Variants in EPPK1 observed in about 807,000 individuals in gnomAD.
EPPK1 encodes the protein epiplakin 1, also known as epiplakin.
For missense variants in EPPK1, 3,823 were observed against 3,673.3 expected (o/e 1.04, Z -1.05); for synonymous variants, 1,862 against 1,721.2 (o/e 1.08, Z -2.03).
chr8:143,867,210 C>T lies in EPPK1; in HGVS notation c.6044G>A (p.Gly2015Asp), dbSNP rs782364626. ...RLLEVQVATG[G>D]VIDPQHHHRL... ...GTGGTGGTGCTGTGGGTCGATGACA[C>T]CCCCCGTGGCCACCTGCACCTCCAG... The change falls in exon 2 of 2, where the codon GGT (glycine) becomes GAT (aspartate). Residue 2015 changes from glycine to aspartate, a missense_variant. Coordinates refer to ENST00000615648, the MANE Select transcript of EPPK1 (RefSeq NM_031308.4). The T allele has an allele frequency of 6.2e-6, 10 of 1,612,506 alleles. No individual in the cohort carries two copies. The highest frequency in any genetic ancestry group is 8.5e-6 in the Non-Finnish European group (10 of 1,179,734).
rs1320779451 is a variant in EPPK1, at chr8:143,857,917, A to AC, written c.*69_*70insG. The AC allele has an allele frequency of 8.5e-6, 7 of 822,164 alleles. No homozygotes were observed. Among genetic ancestry groups the AC allele is most frequent in the Non-Finnish European group, 3.5e-6 (2 of 579,192 alleles). 50.9% of individuals were successfully genotyped at this position (822,164 alleles called of 1,614,324 possible). A position where few individuals can be genotyped will look rare whatever the true frequency, so the allele number is the denominator to read the frequency against. On this transcript the variant is annotated 3_prime_UTR_variant, in exon 2 of 2. Transcript: ENST00000615648. ...ATGACAAAAAAAAAAAAAAAAAAAA[A>AC]AACAACCCAGACACACAAGTATGCC...
Position 143,868,886 on chromosome 8 carries a change from G to C in EPPK1, c.4368C>G (p.Pro1456=). Reference sequence around the variant, plus strand: ...ACCCCTTAAACCTCCCTGTGCTGACGGGCACCTTCATGGCCCTCAGAGCCA... The same window carrying C: ...ACCCCTTAAACCTCCCTGTGCTGACCGGCACCTTCATGGCCCTCAGAGCCA... The part of the protein sequence containing the change: ...TAVALRAMKV[P]VSTGRFKGCS... The change falls in exon 2 of 2, where the codon CCC becomes CCG. Residue 1456 remains proline (P), a synonymous_variant. Coordinates refer to ENST00000615648, the MANE Select transcript of EPPK1 (RefSeq NM_031308.4). The C allele has an allele frequency of 6.2e-7, 1 of 1,610,874 alleles. No homozygotes were observed. The highest frequency in any genetic ancestry group is 8.5e-7 in the Non-Finnish European group (1 of 1,179,836).
Position 143,857,769 on chromosome 8 carries a change from G to A in EPPK1, c.*218C>T, listed in dbSNP as rs75779384. The A allele has an allele frequency of 2.5e-3, 1,165 of 474,566 alleles. 16 individuals carry two copies. The highest frequency in any genetic ancestry group is 0.022 in the African/African-American group (1,087 of 49,668). The allele number at this position is 474,566 out of a possible 1,614,324, so 29.4% of individuals were successfully genotyped here. On this transcript the variant is annotated 3_prime_UTR_variant, in exon 2 of 2. Coordinates refer to ENST00000615648, the MANE Select transcript of EPPK1 (RefSeq NM_031308.4). ...AAGTAAAACCATATGACACATAGAC[G>A]ACCCAGAAAACACACCAAAAAACTT...
rs1819378128 is a variant in EPPK1, at chr8:143,872,235, T to C, written c.1019A>G (p.Asp340Gly). 6.2e-7 allele frequency: 1 copy of C among 1,609,842 alleles called. No homozygotes were observed. The highest frequency in any genetic ancestry group is 1.1e-5 in the South Asian group (1 of 90,706). ...DPITGQRLWVDEAVRAGLVSP... is the reference protein window; with the variant it reads ...DPITGQRLWVGEAVRAGLVSP... ...GACCAGGCCCGCCCTGACTGCCTCG[T>C]CTACCCACAGCCGCTGGCCTGTGAT... is the stretch of plus-strand genomic sequence containing the variant. The change falls in exon 2 of 2, where the codon GAC (aspartate) becomes GGC (glycine). Residue 340 changes from aspartate to glycine, a missense_variant. By Grantham distance (94) the Asp-to-Gly change is moderately conservative. Transcript: ENST00000615648.
Position 143,869,506 on chromosome 8 carries a change from C to G in EPPK1, c.3748G>C (p.Gly1250Arg), listed in dbSNP as rs373814278. 1 of 1,546,308 alleles carries G rather than the reference C, an allele frequency of 6.5e-7. No individual in the cohort carries two copies. Among genetic ancestry groups the G allele is most frequent in the Admixed American group, 1.9e-5 (1 of 52,186 alleles). The stretch of plus-strand genomic sequence containing the variant: ...GCCCCAGAGGGCTGTAGCAGCACAC[C>G]GGCCACGCAGCCTGTGCCCCACAGG... The part of the protein sequence containing the change: ...ACLWGTGCVA[G>R]VLLQPSGAKA... Residue 1250 changes from glycine (G) to arginine (R), a missense_variant, in exon 2 of 2, where the codon GGT becomes CGT. By Grantham distance (125) the Gly-to-Arg change is moderately radical (BLOSUM62 -2). Transcript: ENST00000615648.
Position 143,868,345 on chromosome 8 carries a change from C to T in EPPK1, c.4909G>A (p.Glu1637Lys), listed in dbSNP as rs1554659893. The change falls in exon 2 of 2, where the codon GAA becomes AAA. Residue 1637 changes from glutamate (E) to lysine (K), a missense_variant. Transcript: ENST00000615648. ...GCCGACAGCAGCTTCACGTAGGTTT[C>T]TTTCCCGAACATTCCTGCTTTGAAC... Reference protein sequence around the residue: ...EAFKAGMFGKETYVKLLSAER... With the variant: ...EAFKAGMFGKKTYVKLLSAER... The T allele has an allele frequency of 6.2e-7, 1 of 1,613,126 alleles. No individual in the cohort carries two copies. The highest frequency in any genetic ancestry group is 2.2e-5 in the East Asian group (1 of 44,882).
At position 143,870,392 on chromosome 8, in the gene EPPK1, C is replaced by G. The variant is rs1346263836; in HGVS notation, c.2862G>C (p.Leu954=). The change falls in exon 2 of 2, where the codon CTG becomes CTC. Residue 954 remains leucine, a synonymous_variant. Transcript: ENST00000615648. This position sits in a 1 kb window ranked among gnomAD's most constrained non-coding sequence, Gnocchi z 5.2. The stretch of plus-strand genomic sequence containing the variant: ...GGGCCAGGGCCACCCTGGGCCCCAG[C>G]AGCTTCTGCCTCATGGCCTGGTAGA... ...LSLYQAMRQK[L]LGPRVALALL... 4 of 1,575,526 alleles carry G rather than the reference C, an allele frequency of 2.5e-6. No homozygotes were observed. The highest frequency in any genetic ancestry group is 3.4e-6 in the Non-Finnish European group (4 of 1,166,636).
rs782693038 is a variant in EPPK1 at position 143,858,048 on chromosome 8, A to G, written c.15206T>C (p.Leu5069Pro). 3.7e-6 allele frequency: 6 copies of G among 1,613,320 alleles called. No homozygotes were observed. The East Asian group carries it at 1.1e-4, about 30-fold the overall frequency. ...CTCAGGGTCCAGGGTGGCCCTCTGC[A>G]GAAGCTGCAGGTACGTGAGGTTCTC... ...THENLTYLQLLQRATLDPETG... is the reference protein window; with the variant it reads ...THENLTYLQLPQRATLDPETG... Residue 5069 changes from leucine to proline, a missense_variant, in exon 2 of 2, where the codon CTG (leucine) becomes CCG (proline). By Grantham distance (98) the Leu-to-Pro change is moderately conservative (BLOSUM62 -3). Coordinates refer to ENST00000615648, the MANE Select transcript of EPPK1 (RefSeq NM_031308.4).
Position 143,872,260 on chromosome 8 carries a change from T to A in EPPK1, c.994A>T (p.Ile332Phe), listed in dbSNP as rs782224063. Residue 332 changes from isoleucine (I) to phenylalanine (F), a missense_variant, in exon 2 of 2, where the codon ATC (isoleucine) becomes TTC (phenylalanine). Coordinates refer to ENST00000615648, the MANE Select transcript of EPPK1 (RefSeq NM_031308.4). Reference sequence around the variant, plus strand: ...TCTACCCACAGCCGCTGGCCTGTGATGGGGTCCACCAGGGTGTGGGTGGCA... The same window carrying A: ...TCTACCCACAGCCGCTGGCCTGTGAAGGGGTCCACCAGGGTGTGGGTGGCA... ...QAATHTLVDP[I>F]TGQRLWVDEA... is the part of the protein sequence containing the mutation. 1.2e-5 allele frequency: 20 copies of A among 1,609,244 alleles called. No individual in the cohort carries two copies.
Position 143,873,890 on chromosome 8 carries a change from T to G in EPPK1, c.-45-592A>C, listed in dbSNP as rs932508573. Among the ~76,000 whole-genome samples the G allele has an allele frequency of 1.0e-4, 15 of 150,038 alleles. No individual in the cohort carries two copies. In the South Asian group the frequency reaches 1.5e-3, roughly 15 times the overall value. ...CCTGCTGGCTCCTGAGGTCCCGCCCTCCCTCCACAGCCATCCACCAGGCTC... is the reference window on the plus strand; with the variant it reads ...CCTGCTGGCTCCTGAGGTCCCGCCCGCCCTCCACAGCCATCCACCAGGCTC... On this transcript the variant is annotated intron_variant, in intron 1 of 1. Transcript: ENST00000615648.
In EPPK1 at chr8:143,868,384, T is replaced by C; in HGVS notation, c.4870A>G (p.Thr1624Ala). The change falls in exon 2 of 2, where the codon ACC becomes GCC. Residue 1624 changes from threonine to alanine, a missense_variant. Physicochemically the swap from Thr to Ala is moderately conservative, Grantham distance 58 (BLOSUM62 0). Transcript: ENST00000615648. ...CCTGCTTTGAACGCCTCCTCCACGG[T>C]CAGCTTCCGGTTCTCCACGGGGTCG... ...IIDPVENRKL[T>A]VEEAFKAGMF... The C allele has an allele frequency of 6.2e-7, 1 of 1,612,488 alleles. No individual in the cohort carries two copies. Among genetic ancestry groups the C allele is most frequent in the Non-Finnish European group, 8.5e-7 (1 of 1,179,824 alleles).
chr8:143,869,926 G>A lies in EPPK1; in HGVS notation c.3328C>T (p.Leu1110Phe), dbSNP rs782068808. The change falls in exon 2 of 2, where the codon CTT (leucine) becomes TTT (phenylalanine). Residue 1110 changes from leucine (L) to phenylalanine (F), a missense_variant. Physicochemically the swap from Leu to Phe is conservative, Grantham distance 22. Transcript: ENST00000615648. ...CTTTCTGGCAGGGGCAGGAGGTGAA[G>A]GCCAGAAGTCTCATCCCTGGGGCAC... Reference protein sequence around the residue: ...EECPRDETSGLHLLPLPESAP... With the variant: ...EECPRDETSGFHLLPLPESAP... The A allele has an allele frequency of 2.5e-6, 4 of 1,609,206 alleles. No homozygotes were observed. The highest frequency in any genetic ancestry group is 2.7e-5 in the African/African-American group (2 of 75,016).
chr8:143,869,875 G>C lies in EPPK1; in HGVS notation c.3379C>G (p.Gln1127Glu). The C allele has an allele frequency of 6.2e-7, 1 of 1,605,406 alleles. No homozygotes were observed. Among genetic ancestry groups the C allele is most frequent in the Non-Finnish European group, 8.5e-7 (1 of 1,176,650 alleles). ...ESAPALPTEE[Q>E]VQRSLQAVPG... ...ACGGCCTGCAGGCTCCTCTGGACCTGCTCCTCGGTGGGGAGGGCAGGAGCA... is the reference window on the plus strand; with the variant it reads ...ACGGCCTGCAGGCTCCTCTGGACCTCCTCCTCGGTGGGGAGGGCAGGAGCA... Residue 1127 changes from glutamine (Q) to glutamate (E), a missense_variant, in exon 2 of 2, where the codon CAG (glutamine) becomes GAG (glutamate). Transcript: ENST00000615648.
chr8:143,868,503 C>G lies in EPPK1; in HGVS notation c.4751G>C (p.Arg1584Thr), dbSNP rs782559181. 4 of 1,610,330 alleles carry G rather than the reference C, an allele frequency of 2.5e-6. No individual in the cohort carries two copies. The Admixed American group carries it at 6.7e-5, about 27-fold the overall frequency. Residue 1584 changes from arginine to threonine, a missense_variant, in exon 2 of 2, where the codon AGG becomes ACG. Coordinates refer to ENST00000615648, the MANE Select transcript of EPPK1 (RefSeq NM_031308.4). ...CCTCAGGGCCTCTGGGATGCTCATC[C>G]TCTCCTGGGTGCCCTGGATAAGGAC... ...AGVLIQGTQE[R>T]MSIPEALRRH...
In EPPK1 at chr8:143,858,003, G is replaced by C. The variant is rs1554657887; in HGVS notation, c.15251C>G (p.Ser5084Cys). ...GAAGCCCAGTCACTGTAGAGAGAGA[G>C]AAAGAAATAGGAGCCCCGTCTCAGG... ...LDPETGLLFL[S>C]LSLQ Residue 5084 changes from serine (S) to cysteine (C), a missense_variant, in exon 2 of 2, where the codon TCT (serine) becomes TGT (cysteine). Ser to Cys is a moderately radical substitution (Grantham distance 112, BLOSUM62 -1). Coordinates refer to ENST00000615648, the MANE Select transcript of EPPK1 (RefSeq NM_031308.4). 1.9e-6 allele frequency: 3 copies of C among 1,605,656 alleles called. No homozygotes were observed. The highest frequency in any genetic ancestry group is 2.2e-5 in the East Asian group (1 of 44,776).
rs2130666368 is a variant in EPPK1, at chr8:143,878,441, C to CCCGCTCG, written c.-56_-50dup. ...GCACCCGCCGCACCCGCCGCACCTG[C>CCCGCTCG]CCGCTCGCCGCTCGGTCCGCAGTGT... On this transcript the variant is annotated 5_prime_UTR_variant, in exon 1 of 2. Transcript: ENST00000615648. 1 of 148,892 alleles carries CCCGCTCG rather than the reference C, an allele frequency of 6.7e-6. No individual in the cohort carries two copies. Among genetic ancestry groups the CCCGCTCG allele is most frequent in the Admixed American group, 6.7e-5 (1 of 14,882 alleles). 9.2% of individuals were successfully genotyped at this position (148,892 alleles called of 1,614,324 possible).
At position 143,857,907 on chromosome 8, in the gene EPPK1, A is replaced by AC. The variant is rs1473099416; in HGVS notation, c.*79_*80insG. The AC allele has an allele frequency of 2.5e-6, 2 of 785,158 alleles. No individual in the cohort carries two copies. The highest frequency in any genetic ancestry group is 3.7e-6 in the Non-Finnish European group (2 of 539,768). The allele number at this position is 785,158 out of a possible 1,614,324, so 48.6% of individuals were successfully genotyped here. On this transcript the variant is annotated 3_prime_UTR_variant, in exon 2 of 2. Transcript: ENST00000615648. ...AAATTAAAGAATGACAAAAAAAAAA[A>AC]AAAAAAAAAAAACAACCCAGACACA...
Position 143,866,719 on chromosome 8 carries a change from G to A in EPPK1, c.6535C>T (p.Arg2179Ter), listed in dbSNP as rs376810341. 1.2e-4 allele frequency: 194 copies of A among 1,613,314 alleles called. No individual in the cohort carries two copies. Among genetic ancestry groups the A allele is most frequent in the African/African-American group, 4.7e-4 (35 of 74,934 alleles). Residue 2179 changes from arginine to a stop codon, truncating the protein, a stop_gained, in exon 2 of 2, where the codon CGA (arginine) becomes TGA (stop). Transcript: ENST00000615648. LOFTEE classifies it low-confidence loss of function (END_TRUNC). ...AGGAGTTCAGAAGCTGTGATCTGTCGTCTAATTCCTTGGAACCACAGGTGT... is the reference window on the plus strand; with the variant it reads ...AGGAGTTCAGAAGCTGTGATCTGTCATCTAATTCCTTGGAACCACAGGTGT... ...NKHLWFQGIRRQITASELLSS... is the reference protein window; with the variant it reads ...NKHLWFQGIR
intron 1 of EPPK1, among the ~76,000 whole-genome samples, chr8:143,874,963 T>G (rs1406412510): frequency 6.6e-6 from 1 of 151,852 alleles, no homozygotes; most frequent in Admixed American, 6.6e-5. Context: ...CCCACCCACC[T>G]CCACCACATG....
Sources: allele counts gnomAD v4.1 joint callset (sites outside exome capture counted in the v4.1 genomes callset), GRCh38; gene constraint gnomAD v4.1.1; non-coding constraint Gnocchi (gnomAD v3.1); transcripts MANE v1.5; gene names NCBI Gene and HGNC (gene_info 2026-07-23, HGNC 2026-07-21).